The following LMO7 variants were observed in gnomAD, a reference collection of about 807,000 sequenced individuals.
LMO7 encodes the protein LIM domain only protein 7.
LMO7 carries 120 observed loss-of-function variants against 206.5 expected under a neutral mutation model. The ratio of observed to expected loss-of-function variants is 0.58; its 90% CI spans 0.50 to 0.68. LMO7 has a LOEUF of 0.68. Among genes scored for constraint, LMO7 ranks in the 30% least tolerant of loss-of-function variants. LMO7 has a pLI of 0.00. For synonymous variants in LMO7, 706 were observed against 681.5 expected (o/e 1.04, Z -0.56); for missense variants, 1,959 against 1,957.9 (o/e 1.00, Z -0.01).
intron 2 of LMO7, among the ~76,000 whole-genome samples, chr13:75,625,258 A>G (rs2033870651): frequency 6.6e-6 from 1 of 152,198 alleles, no homozygotes; most frequent in Non-Finnish European, 1.5e-5. Flanking sequence ...ATATTTATGC[A>G]GTATTATTTC....
At chr13:75,856,358 A>C (rs1722159787) in intron 29 of LMO7, 148 bp from the exon 30 acceptor site, 58 of 537,746 alleles carry the variant, frequency 1.1e-4, no homozygotes, top group Middle Eastern at 5.1e-4. Flanking sequence ...TGAATCTACT[A>C]ATCATCTTTC....
chr13:75,830,722 T>C (rs1317321733), intron 15 of LMO7, among the ~76,000 whole-genome samples: 3 of 152,208 alleles, frequency 2.0e-5, no homozygotes, highest in African/African-American at 2.4e-5. Context: ...TGAGATAGTA[T>C]GTCCAATCTA....
intron 4 of LMO7, among the ~76,000 whole-genome samples, chr13:75,785,849 G>C (rs534492345): frequency 6.6e-6 from 1 of 152,204 alleles, no homozygotes; most frequent in South Asian, 2.1e-4. Flanking sequence ...ATATTATCAA[G>C]TTTTATATTG....
At chr13:75,770,616 T>C (rs1300420671) in intron 4 of LMO7, among the ~76,000 whole-genome samples, 4 of 152,118 alleles carry the variant, frequency 2.6e-5, no homozygotes, top group Non-Finnish European at 5.9e-5. Context: ...TGTGCAACTC[T>C]AAGGGAATGC....
upstream of LMO7, among the ~76,000 whole-genome samples, chr13:75,634,441 TAAA>T (rs35029960): frequency 6.6e-6 from 1 of 150,614 alleles, no homozygotes; most frequent in African/African-American, 2.5e-5. Context: ...TTAAAAAACT[TAAA>T]AAACAAACAA....
intron 3 of LMO7, among the ~76,000 whole-genome samples, chr13:75,749,148 C>T (rs1160203425): frequency 2.0e-5 from 3 of 152,118 alleles, no homozygotes; most frequent in East Asian, 3.9e-4. Flanking sequence ...AGGTGATGAT[C>T]CAGACTCATT....
chr13:75,758,822 A>G (rs1413856068), intron 3 of LMO7, among the ~76,000 whole-genome samples: 4 of 152,114 alleles, frequency 2.6e-5, no homozygotes, highest in Non-Finnish European at 5.9e-5. Context: ...TATTTTTGTA[A>G]TACTTTAAAC....
At chr13:75,753,514 C>T (rs1233499123) in intron 3 of LMO7, among the ~76,000 whole-genome samples, 1 of 152,108 alleles carries the variant, frequency 6.6e-6, no homozygotes, top group Admixed American at 6.5e-5. Context: ...GTGTCCTCAC[C>T]CAAATCTCAT....
In LMO7 at chr13:75,859,393, A is replaced by G. The variant is rs1595587822; in HGVS notation, c.*1450A>G. 2 of 152,226 alleles carry G rather than the reference A, an allele frequency of 1.3e-5. No individual in the cohort carries two copies. The highest frequency in any genetic ancestry group is 1.3e-4 in the Admixed American group (2 of 15,286). 9.4% of individuals were successfully genotyped at this position (152,226 alleles called of 1,614,324 possible). A position where few individuals can be genotyped will look rare whatever the true frequency, so the allele number is the denominator to read the frequency against. The stretch of plus-strand genomic sequence containing the variant: ...AACTCTGTGTTTGAATTCATTCTGC[A>G]TATAATTATTTATAAGTATAGATTG... On this transcript the variant is annotated 3_prime_UTR_variant, in exon 31 of 31. Transcript: ENST00000377534.
At position 75,705,112 on chromosome 13, in the gene LMO7, C is replaced by T. The variant is rs905218010; in HGVS notation, c.70-8070C>T. ...GAGGCCGCTCCGCCCTTCATATGCT[C>T]GGGTAGGCTAATTACAACCTCAGAG... is the stretch of plus-strand genomic sequence containing the variant. On this transcript the variant is annotated intron_variant, in intron 1 of 30. Transcript: ENST00000377534. Among the ~76,000 whole-genome samples, 46 of 152,234 alleles carry T rather than the reference C, an allele frequency of 3.0e-4. 2 individuals are homozygous for T. The highest frequency in any genetic ancestry group is 2.4e-3 in the Admixed American group (36 of 15,288).
chr13:75,758,602 T>C (rs1190966767), intron 3 of LMO7, among the ~76,000 whole-genome samples: 1 of 152,230 alleles, frequency 6.6e-6, no homozygotes, highest in African/African-American at 2.4e-5. Context: ...TCTTGAACTT[T>C]GTCTTCAACT....
chr13:75,624,724 C>G (rs4885333), intron 2 of LMO7, among the ~76,000 whole-genome samples: 77,533 of 152,006 alleles, frequency 0.51, 19,988 homozygotes, highest in East Asian at 0.64. Flanking sequence ...TTTTTAAAAC[C>G]ATCATATCTT....
chr13:75,818,418 T>C (rs930028933), intron 12 of LMO7, among the ~76,000 whole-genome samples: 1 of 152,172 alleles, frequency 6.6e-6, no homozygotes, highest in African/African-American at 2.4e-5. Context: ...AGACCTTGAA[T>C]GTGCTTCTGT....
intron 3 of LMO7, chr13:75,760,501 T>A: frequency 7.8e-7 from 1 of 1,286,990 alleles, no homozygotes; most frequent in Non-Finnish European, 9.8e-7. Flanking sequence ...ATTTCTTCCC[T>A]GCCAACAGTT....
At position 75,848,363 on chromosome 13, in the gene LMO7, A is replaced by C. The variant is rs191104049; in HGVS notation, c.4151-716A>C. Reference sequence around the variant, plus strand: ...ACTTCACTTAGAATAATTGTCTCCAATCTCATCCAGGTTGCTGCAAATGCC... The same window carrying C: ...ACTTCACTTAGAATAATTGTCTCCACTCTCATCCAGGTTGCTGCAAATGCC... On this transcript the variant is annotated intron_variant, in intron 26 of 30. Transcript: ENST00000377534. Among the ~76,000 whole-genome samples, 45 of 152,186 alleles carry C rather than the reference A, an allele frequency of 3.0e-4. No homozygotes were observed. In the East Asian group the frequency reaches 8.1e-3, roughly 27 times the overall value.
chr13:75,745,883 T>C (rs2046797997), intron 3 of LMO7, among the ~76,000 whole-genome samples: 1 of 152,202 alleles, frequency 6.6e-6, no homozygotes, highest in African/African-American at 2.4e-5. Flanking sequence ...CTTGCTGCCT[T>C]AGAGAGTGAA....
intron 1 of LMO7, among the ~76,000 whole-genome samples, chr13:75,671,536 T>G (rs1374828004): frequency 6.6e-6 from 1 of 152,182 alleles, no homozygotes; most frequent in Non-Finnish European, 1.5e-5. Context: ...TGTCTCCCAG[T>G]GTCCCCTTCT....
intron 3 of LMO7, among the ~76,000 whole-genome samples, chr13:75,759,099 G>T (rs563316644): frequency 2.0e-5 from 3 of 152,132 alleles, no homozygotes; most frequent in East Asian, 3.8e-4. Context: ...GAGAGCGAAG[G>T]GGGAAGAGCT....
intron 2 of LMO7, among the ~76,000 whole-genome samples, chr13:75,723,896 T>C (rs1282358262): frequency 6.6e-6 from 1 of 152,128 alleles, no homozygotes; most frequent in African/African-American, 2.4e-5. Context: ...GCTGGGAAGT[T>C]CAAGATCATG....
Sources: gnomAD v4.1 joint callset for allele counts (sites outside exome capture counted in the v4.1 genomes callset) on GRCh38, gnomAD v4.1.1 for gene constraint, MANE v1.5 for transcripts, NCBI Gene and HGNC (gene_info 2026-07-23, HGNC 2026-07-21) for gene names.